PYY: variants seen among roughly 807,000 people sequenced by gnomAD.
The protein encoded by PYY is peptide YY.
PYY carries 12 observed loss-of-function variants against 10.3 expected under a neutral mutation model. The observed-to-expected ratio is 1.17, with a 90% confidence interval of 0.75 to 1.89. The LOEUF is 1.89. Among genes scored for constraint, PYY ranks in the 40% most tolerant of loss-of-function variants. The pLI is 0.00. For missense variants in PYY, 141 were observed against 134.0 expected, an observed-to-expected ratio of 1.05 and a Z score of -0.26; for synonymous variants, 66 against 62.0, an observed-to-expected ratio of 1.06 and a Z score of -0.30.
rs893695892 is a variant in PYY, at chr17:43,987,285, C to A, written c.-463+17106G>T. Among the ~76,000 whole-genome samples, 2 of 152,204 alleles carry A rather than the reference C, an allele frequency of 1.3e-5. No individual in the cohort carries two copies. The highest frequency in any genetic ancestry group is 2.4e-5 in the African/African-American group (1 of 41,446). ...GCTCTCTGACTTAATTACTTCTCCT[C>A]CTGGCTGTAATGAATGTTTCTGAGC... On this transcript the variant is annotated intron_variant, in intron 1 of 6. Transcript: ENST00000360085. This position sits in a 1 kb window ranked among gnomAD's most constrained non-coding sequence, Gnocchi z 4.0.
chr17:43,994,168 T>A (rs775883235), intron 1 of PYY, among the ~76,000 whole-genome samples: 25 of 151,820 alleles, frequency 1.6e-4, no homozygotes, highest in Non-Finnish European at 2.5e-4. Flanking sequence ...AAAAAAATTT[T>A]AAAAAAATTA....
At chr17:43,990,354 G>A (rs926997415) in intron 1 of PYY, among the ~76,000 whole-genome samples, 1 of 150,418 alleles carries the variant, frequency 6.6e-6, no homozygotes, top group African/African-American at 2.4e-5. Context: ...CATGAGAATT[G>A]CTTGAAGCCA....
At chr17:43,994,404 A>T (rs2048977355) in intron 1 of PYY, among the ~76,000 whole-genome samples, 1 of 152,012 alleles carries the variant, frequency 6.6e-6, no homozygotes, top group Non-Finnish European at 1.5e-5. Flanking sequence ...TCACAGTAAC[A>T]GTCAAGTCAG....
At chr17:43,977,311 AG>A (rs1270654272) in intron 1 of PYY, among the ~76,000 whole-genome samples, 1 of 152,120 alleles carries the variant, frequency 6.6e-6, no homozygotes, top group Non-Finnish European at 1.5e-5. Flanking sequence ...ATCAGAGAGG[AG>A]GGTGGAAGGT....
At chr17:43,994,467 G>A (rs1172320705) in intron 1 of PYY, among the ~76,000 whole-genome samples, 2 of 152,132 alleles carry the variant, frequency 1.3e-5, no homozygotes, top group African/African-American at 4.8e-5. Flanking sequence ...CACCGTGTAA[G>A]GTAGGGAGAG....
rs867523984 is a variant in PYY, at chr17:43,989,897, T to C, written c.-463+14494A>G. On this transcript the variant is annotated intron_variant, in intron 1 of 6. Coordinates refer to the PYY transcript ENST00000360085. ...ATATATATATATATATATATATATA[T>C]ATACACACAAATCTATAAGTAAGAC... is the stretch of plus-strand genomic sequence containing the variant. Among the ~76,000 whole-genome samples, 74 of 51,958 alleles carry C rather than the reference T, an allele frequency of 1.4e-3. 2 individuals carry two copies. Among genetic ancestry groups the C allele is most frequent in the Non-Finnish European group, 2.1e-3 (60 of 28,688 alleles). The allele number at this position is 51,958 out of a possible 152,430, so 34.1% of individuals were successfully genotyped here. A position where few individuals can be genotyped will look rare whatever the true frequency, so the allele number is the denominator to read the frequency against.
chr17:43,976,729 G>A (rs1239877065), intron 1 of PYY, among the ~76,000 whole-genome samples: 6 of 152,090 alleles, frequency 3.9e-5, no homozygotes, highest in African/African-American at 9.7e-5. Flanking sequence ...CCAAGATCAC[G>A]CCACTGCACT....
At chr17:44,003,394 C>T (rs1243748164) in intron 1 of PYY, among the ~76,000 whole-genome samples, 23 of 152,098 alleles carry the variant, frequency 1.5e-4, no homozygotes, top group Admixed American at 1.4e-3. Flanking sequence ...TGGTGGCTCA[C>T]GCCTGTAATC....
In PYY at chr17:43,953,447, T is replaced by C. The variant is rs1478902114; in HGVS notation, c.37A>G (p.Thr13Ala). The C allele has an allele frequency of 6.2e-7, 1 of 1,609,496 alleles. No homozygotes were observed. Among genetic ancestry groups the C allele is most frequent in the Admixed American group, 1.7e-5 (1 of 59,306 alleles). ...CAGACGAGCAGGGCCAGAAGCACTG[T>C]GGTCAAGGCGGGCCACGGCCTGCGC... ...FVRRPWPALT[T>A]VLLALLVCLG... Residue 13 changes from threonine (T) to alanine (A), a missense_variant, in exon 2 of 4, where the codon ACA becomes GCA. By Grantham distance (58) the Thr-to-Ala change is moderately conservative. Transcript: ENST00000692052.
intron 1 of PYY, among the ~76,000 whole-genome samples, chr17:43,980,543 C>G (rs781745834): frequency 6.6e-6 from 1 of 151,960 alleles, no homozygotes; most frequent in Non-Finnish European, 1.5e-5. Flanking sequence ...AGCGCAATCT[C>G]GGCTCACTGC....
At chr17:43,953,248 G>A (rs767829252) in intron 2 of PYY, 48 bp downstream of exon 2, 5 of 1,609,120 alleles carry the variant, frequency 3.1e-6, no homozygotes, top group Non-Finnish European at 4.2e-6. Flanking sequence ...GGTGGAGCGG[G>A]GCCGCAGGGT....
chr17:43,953,612 C>T (rs768116140), intron 1 of PYY, 129 bp from the exon 2 acceptor site: 11 of 885,122 alleles, frequency 1.2e-5, no homozygotes, highest in Middle Eastern at 2.6e-4. Context: ...GCTCAGCCAC[C>T]GGGCTTGCTG....
intron 1 of PYY, among the ~76,000 whole-genome samples, chr17:43,986,519 G>T (rs913265566): frequency 6.6e-6 from 1 of 152,136 alleles, no homozygotes; most frequent in Non-Finnish European, 1.5e-5. Flanking sequence ...GAATATTGTG[G>T]CACCAGACAA....
chr17:43,970,171 G>A (rs141049135), intron 1 of PYY, among the ~76,000 whole-genome samples: 5 of 137,760 alleles, frequency 3.6e-5, no homozygotes, highest in African/African-American at 1.1e-4. Flanking sequence ...ACTGTACTCT[G>A]CCTGGATAAA....
chr17:43,953,569 C>G, intron 1 of PYY, 86 bp from the exon 2 acceptor site: 1 of 1,289,462 alleles, frequency 7.8e-7, no homozygotes, highest in Non-Finnish European at 1.0e-6. Context: ...GGCCGCGCTC[C>G]GACGCTCTCC....
intron 1 of PYY, among the ~76,000 whole-genome samples, chr17:43,998,384 C>T (rs1448068669): frequency 1.3e-5 from 2 of 151,882 alleles, no homozygotes; most frequent in Non-Finnish European, 2.9e-5. Flanking sequence ...ACGATGAAAC[C>T]GTGTCTCTAC....
chr17:43,989,198 C>G lies in PYY; in HGVS notation c.-463+15193G>C, dbSNP rs184530828. ...GACCATCCTGGCTAACACGGTGAAA[C>G]CCCGTCTCTGCTAAAAATACAAAAA... On this transcript the variant is annotated intron_variant, in intron 1 of 6. Transcript: ENST00000360085. 6.6e-5 allele frequency among the ~76,000 whole-genome samples: 10 copies of G among 152,062 alleles called. No individual in the cohort carries two copies. In the East Asian group the frequency reaches 2.0e-3, roughly 30 times the overall value.
At chr17:44,003,999 C>T (rs2143976469) in intron 1 of PYY, among the ~76,000 whole-genome samples, 1 of 151,868 alleles carries the variant, frequency 6.6e-6, no homozygotes, top group Admixed American at 6.6e-5. Flanking sequence ...TCTCAAAAAC[C>T]AAAATAAAAA....
Position 43,952,826 on chromosome 17 carries a change from C to G in PYY, c.*130G>C. 3.9e-6 allele frequency: 4 copies of G among 1,017,324 alleles called. No homozygotes were observed. Among genetic ancestry groups the G allele is most frequent in the Non-Finnish European group, 5.6e-6 (4 of 714,666 alleles). The allele number at this position is 1,017,324 out of a possible 1,614,324, so 63.0% of individuals were successfully genotyped here. ...GGGGGCGGGGGCACCGAGACGCGGG[C>G]GGAGGGCCGCACCCGAACCCTGCCC... On this transcript the variant is annotated 3_prime_UTR_variant, in exon 4 of 4. Coordinates refer to ENST00000692052, the MANE Select transcript of PYY (RefSeq NM_001394028.1).
Sources: allele counts gnomAD v4.1 joint callset (sites outside exome capture counted in the v4.1 genomes callset), GRCh38; gene constraint gnomAD v4.1.1; non-coding constraint Gnocchi (gnomAD v3.1); transcripts MANE v1.5; gene names NCBI Gene and HGNC (gene_info 2026-07-23, HGNC 2026-07-21).